Variants in GINS2 observed in about 807,000 individuals in gnomAD.
GINS2 encodes DNA replication complex GINS protein PSF2.
A neutral mutation model predicts 21.2 loss-of-function variants in GINS2; 23 were observed. That is an observed-to-expected ratio of 1.08 (90% CI 0.78 to 1.53). GINS2 has a LOEUF of 1.53. Ranked by LOEUF, GINS2 falls within the 40% of genes most tolerant of loss-of-function variation. GINS2 has a pLI of 0.00. For missense variants in GINS2, 323 were observed against 233.9 expected (o/e 1.38, Z -2.49); for synonymous variants, 118 against 85.6 (o/e 1.38, Z -2.09).
intron 2 of GINS2, among the ~76,000 whole-genome samples, chr16:85,684,425 T>C (rs546996521): frequency 1.8e-4 from 28 of 151,898 alleles, no homozygotes; most frequent in African/African-American, 4.1e-4. Context: ...AGCCCAGGAG[T>C]TGGAGGCTGC....
At chr16:85,687,127 A>G (rs958052397) in intron 2 of GINS2, among the ~76,000 whole-genome samples, 3 of 152,226 alleles carry the variant, frequency 2.0e-5, no homozygotes, top group Non-Finnish European at 2.9e-5. Context: ...AGGCTGAGGC[A>G]GGAGGATCAC....
At chr16:85,688,481 G>C (rs75554549) in intron 1 of GINS2, among the ~76,000 whole-genome samples, 41,296 of 152,116 alleles carry the variant, frequency 0.27, 5,694 homozygotes, top group Middle Eastern at 0.31. Flanking sequence ...GGGAGGCGGA[G>C]GCTGCAGTGA....
At chr16:85,687,285 G>C (rs981966307) in intron 2 of GINS2, among the ~76,000 whole-genome samples, 175 bp downstream of exon 2, 2 of 152,252 alleles carry the variant, frequency 1.3e-5, no homozygotes, top group Non-Finnish European at 1.5e-5. Flanking sequence ...GTGGTTAGCA[G>C]ACTCTGCTGA....
chr16:85,680,926 A>AGG (rs2053727091), intron 3 of GINS2, among the ~76,000 whole-genome samples: 1 of 152,250 alleles, frequency 6.6e-6, no homozygotes, highest in African/African-American at 2.4e-5. Context: ...CAGGTAGACG[A>AGG]GAGGGAAGAC....
chr16:85,682,995 A>G lies in GINS2; in HGVS notation c.206-1314T>C, dbSNP rs147936087. On this transcript the variant is annotated intron_variant, in intron 2 of 4. Transcript: ENST00000253462. The stretch of plus-strand genomic sequence containing the variant: ...TGACACCCAGCTGAGTGTGACCCAC[A>G]CACCACCCCATCCCCCAAACTCCCT... Among the ~76,000 whole-genome samples the G allele has an allele frequency of 7.3e-3, 1,113 of 151,502 alleles. 5 individuals are homozygous for G. The highest frequency in any genetic ancestry group is 0.012 in the Non-Finnish European group (823 of 67,876).
chr16:85,679,724 G>A (rs1032127063), intron 3 of GINS2, among the ~76,000 whole-genome samples: 2 of 152,100 alleles, frequency 1.3e-5, no homozygotes, highest in Non-Finnish European at 2.9e-5. Flanking sequence ...AAAATGGATA[G>A]GCCCCCTCAC....
intron 3 of GINS2, among the ~76,000 whole-genome samples, chr16:85,679,334 AG>A (rs1486655096): frequency 3.3e-5 from 5 of 152,256 alleles, no homozygotes; most frequent in African/African-American, 1.2e-4. Flanking sequence ...GGATGAAGGA[AG>A]GCTTTCACAA....
At chr16:85,686,333 G>C (rs1019951870) in intron 2 of GINS2, among the ~76,000 whole-genome samples, 8 of 151,856 alleles carry the variant, frequency 5.3e-5, no homozygotes, top group African/African-American at 1.9e-4. Flanking sequence ...CGGGAGAATG[G>C]TGTGAACCCA....
chr16:85,687,650 A>G, intron 1 of GINS2, 76 bp from the exon 2 acceptor site: 1 of 794,644 alleles, frequency 1.3e-6, no homozygotes, highest in Middle Eastern at 2.4e-4. Context: ...CTGCTATCAA[A>G]TAAGAGGCAA....
At chr16:85,679,810 A>T (rs937423082) in intron 3 of GINS2, among the ~76,000 whole-genome samples, 2 of 152,102 alleles carry the variant, frequency 1.3e-5, no homozygotes, top group African/African-American at 4.8e-5. Context: ...CCACCACTAC[A>T]GTCTCTCTCA....
intron 2 of GINS2, among the ~76,000 whole-genome samples, chr16:85,684,541 A>T (rs1479694594): frequency 6.6e-6 from 1 of 152,172 alleles, no homozygotes; most frequent in African/African-American, 2.4e-5. Flanking sequence ...GGAATCCCAA[A>T]TATCTACCAA....
At chr16:85,678,733 G>A (rs2152050727) in intron 3 of GINS2, 67 bp from the exon 4 acceptor site, 10 of 1,512,994 alleles carry the variant, frequency 6.6e-6, no homozygotes, top group African/African-American at 2.8e-5. Flanking sequence ...TGGATAGAGT[G>A]GCTCTTTTCA....
chr16:85,685,909 C>G (rs901213605), intron 2 of GINS2, among the ~76,000 whole-genome samples: 2 of 151,374 alleles, frequency 1.3e-5, no homozygotes, highest in African/African-American at 4.9e-5. Context: ...GGCTGAGACC[C>G]CATCTCCATA....
intron 2 of GINS2, among the ~76,000 whole-genome samples, chr16:85,682,132 T>G (rs186961834): frequency 1.4e-5 from 2 of 138,086 alleles, no homozygotes; most frequent in Non-Finnish European, 3.1e-5. Flanking sequence ...GCTCAAGCAA[T>G]CCTCCCGCCT....
Position 85,687,334 on chromosome 16 carries a change from G to C in GINS2, c.205+126C>G, listed in dbSNP as rs1391843595. The C allele has an allele frequency of 8.2e-5, 46 of 561,684 alleles. No individual in the cohort carries two copies. The East Asian group carries it at 1.3e-3, about 16-fold the overall frequency. The allele number at this position is 561,684 out of a possible 1,614,324, so 34.8% of individuals were successfully genotyped here. ...AAGTATTCCTTTCAGCTGATCAGTA[G>C]ATAACGGAACAGAGGGAGCACGGAC... On this transcript the variant is annotated intron_variant, in intron 2 of 4. Transcript: ENST00000253462.
intron 2 of GINS2, among the ~76,000 whole-genome samples, chr16:85,686,154 T>A (rs564791758): frequency 2.6e-5 from 4 of 152,194 alleles, no homozygotes; most frequent in Non-Finnish European, 4.4e-5. Context: ...TATCATACAA[T>A]TCAGCCATTT....
intron 2 of GINS2, among the ~76,000 whole-genome samples, chr16:85,685,855 C>A (rs554276836): frequency 1.3e-5 from 2 of 151,414 alleles, no homozygotes; most frequent in South Asian, 2.1e-4. Context: ...AGGTAGGTAC[C>A]CCCAATAAGT....
At chr16:85,686,590 GA>G (rs955250432) in intron 2 of GINS2, among the ~76,000 whole-genome samples, 19 of 152,078 alleles carry the variant, frequency 1.2e-4, no homozygotes, top group African/African-American at 4.6e-4. Flanking sequence ...CCCAAAGCAA[GA>G]CCCCCATACT....
At position 85,683,744 on chromosome 16, in the gene GINS2, C is replaced by T. The variant is rs567005298; in HGVS notation, c.206-2063G>A. 7.2e-5 allele frequency among the ~76,000 whole-genome samples: 11 copies of T among 152,374 alleles called. No homozygotes were observed. In the South Asian group the frequency reaches 2.3e-3, roughly 32 times the overall value. ...TCATTCCCTGCTCCTATTGCACCAACCTTCTCTACACAGCAGAGTGATCCT... is the reference window on the plus strand; with the variant it reads ...TCATTCCCTGCTCCTATTGCACCAATCTTCTCTACACAGCAGAGTGATCCT... On this transcript the variant is annotated intron_variant, in intron 2 of 4. Transcript: ENST00000253462.
Sources: allele counts gnomAD v4.1 joint callset (sites outside exome capture counted in the v4.1 genomes callset), GRCh38; gene constraint gnomAD v4.1.1; transcripts MANE v1.5; gene names NCBI Gene and HGNC (gene_info 2026-07-23, HGNC 2026-07-21).